The following PARVB variants were observed in gnomAD, a reference collection of about 807,000 sequenced individuals.
PARVB encodes the protein beta-parvin.
A neutral mutation model predicts 47.0 loss-of-function variants in PARVB; 46 were observed. The ratio of observed to expected loss-of-function variants is 0.98; its 90% CI spans 0.77 to 1.25. PARVB has a LOEUF of 1.25. PARVB is among the 50% of genes most tolerant of loss of function. The pLI, the probability that PARVB is intolerant of heterozygous loss-of-function variation, is 0.00. For missense variants in PARVB, 473 were observed against 471.6 expected (o/e 1.00, Z -0.03); for synonymous variants, 196 against 196.3 (o/e 1.00, Z 0.01).
chr22:44,116,628 A>G (rs528303971), intron 3 of PARVB, among the ~76,000 whole-genome samples: 14 of 152,332 alleles, frequency 9.2e-5, no homozygotes, highest in African/African-American at 3.4e-4. Flanking sequence ...CAAGCCGGTC[A>G]TAGCTTCTGG....
chr22:44,151,363 A>G (rs938645228), intron 9 of PARVB, 120 bp from the exon 10 acceptor site: 21 of 733,828 alleles, frequency 2.9e-5, no homozygotes, highest in Non-Finnish European at 3.9e-5. Context: ...TTATTTTAGC[A>G]AACAGGAGAT....
chr22:44,131,393 C>A, intron 4 of PARVB, 94 bp from the exon 5 acceptor site: 1 of 1,350,232 alleles, frequency 7.4e-7, no homozygotes, highest in Non-Finnish European at 1.0e-6. Flanking sequence ...TCACCCACCT[C>A]GGCCTCTCAA....
intron 1 of PARVB, among the ~76,000 whole-genome samples, chr22:44,029,820 G>A (rs1290269633): frequency 6.6e-6 from 1 of 152,022 alleles, no homozygotes; most frequent in African/African-American, 2.4e-5. Flanking sequence ...TGAGGCAGGA[G>A]AATCACTCGA....
chr22:44,047,750 T>A (rs1010217779), intron 1 of PARVB, among the ~76,000 whole-genome samples: 2 of 152,170 alleles, frequency 1.3e-5, no homozygotes. Context: ...TTCCAACATA[T>A]CTTTTTTTGG....
intron 8 of PARVB, chr22:44,146,358 C>T (rs1288712125): frequency 1.4e-5 from 2 of 147,154 alleles, no homozygotes; most frequent in South Asian, 2.2e-4. Context: ...CTCACACACA[C>T]ACATGCACAC....
intron 4 of PARVB, among the ~76,000 whole-genome samples, chr22:44,127,589 CA>C (rs2053215228): frequency 6.6e-6 from 1 of 152,192 alleles, no homozygotes; most frequent in Admixed American, 6.5e-5. Flanking sequence ...TCTGGGCTGT[CA>C]GCCATTAGTG....
intron 6 of PARVB, 21 bp from the exon 7 acceptor site, chr22:44,136,439 T>C (rs766201628): frequency 6.2e-7 from 1 of 1,611,750 alleles, no homozygotes; most frequent in Non-Finnish European, 8.5e-7. Flanking sequence ...TGATTTTGTA[T>C]GTTTATTTTG....
intron 1 of PARVB, among the ~76,000 whole-genome samples, chr22:44,075,064 A>G (rs925477690): frequency 2.6e-5 from 4 of 152,152 alleles, no homozygotes; most frequent in African/African-American, 7.2e-5. Context: ...TGACAACCCA[A>G]AGTGTCTCCA....
At chr22:44,122,554 C>CAG (rs2053085758) in intron 4 of PARVB, among the ~76,000 whole-genome samples, 1 of 54,022 alleles carries the variant, frequency 1.9e-5, no homozygotes, top group Non-Finnish European at 4.1e-5. Flanking sequence ...GAGAGAGAGA[C>CAG]ACAGAGACAG....
chr22:44,151,625 C>T (rs373087622), intron 10 of PARVB, 74 bp downstream of exon 10: 64 of 1,188,440 alleles, frequency 5.4e-5, no homozygotes, highest in East Asian at 4.9e-4. Flanking sequence ...CCAGGTGGGG[C>T]GCGTGAACAA....
chr22:44,082,965 G>A (rs1569099271), intron 1 of PARVB, among the ~76,000 whole-genome samples: 1 of 152,110 alleles, frequency 6.6e-6, no homozygotes, highest in Non-Finnish European at 1.5e-5. Flanking sequence ...TCAGATTCCT[G>A]CAGCAGGTGG....
At chr22:44,041,612 A>C (rs1307784336) in intron 1 of PARVB, among the ~76,000 whole-genome samples, 1 of 152,152 alleles carries the variant, frequency 6.6e-6, no homozygotes, top group South Asian at 2.1e-4. Context: ...GGCCAGGCAC[A>C]GTGGTTCACG....
intron 1 of PARVB, among the ~76,000 whole-genome samples, chr22:44,030,855 C>T (rs919133659): frequency 3.9e-5 from 6 of 152,014 alleles, no homozygotes; most frequent in African/African-American, 9.7e-5. Flanking sequence ...CCTCTGATAG[C>T]GTCAGGGCCC....
In PARVB at chr22:44,151,500, G is replaced by C; in HGVS notation, c.792G>C (p.Val264=). ...SVVKKSLITF[V]NKHLNKLNLE... ...CTTGGCAGTCTCTCATCACTTTTGT[G>C]AACAAGCACCTGAACAAGCTGAATT... is the stretch of plus-strand genomic sequence containing the variant. Residue 264 remains valine (V), a synonymous_variant, in exon 10 of 13, where the codon GTG becomes GTC. Transcript: ENST00000338758. 6.2e-7 allele frequency: 1 copy of C among 1,613,888 alleles called. No homozygotes were observed. Among genetic ancestry groups the C allele is most frequent in the East Asian group, 2.2e-5 (1 of 44,884 alleles).
rs193177793 is a variant in PARVB at position 44,017,886 on chromosome 22, G to T, written c.211+18213G>T. ...TGCCAAGGGCAGTAGGGGTGTCAGGGGGGCCTTCCAAAGCAGGCTATTGTT... is the reference window on the plus strand; with the variant it reads ...TGCCAAGGGCAGTAGGGGTGTCAGGTGGGCCTTCCAAAGCAGGCTATTGTT... On this transcript the variant is annotated intron_variant, in intron 2 of 13. Transcript: ENST00000406477. 2.1e-3 allele frequency among the ~76,000 whole-genome samples: 327 copies of T among 152,208 alleles called. 5 individuals are homozygous for T. Among genetic ancestry groups the T allele is most frequent in the African/African-American group, 7.5e-3 (310 of 41,518 alleles).
At chr22:44,151,752 A>T in intron 10 of PARVB, 1 of 555,312 alleles carries the variant, frequency 1.8e-6, no homozygotes, top group South Asian at 2.0e-5. Flanking sequence ...ACAAAGCACC[A>T]CAAACCTAGT....
chr22:44,034,706 C>CTT lies in PARVB; in HGVS notation c.112+10276_112+10277dup, dbSNP rs34429203. ...CATGCAGTCAGAAATCCACGTGTAA[C>CTT]TTTTTTTTTTTTTTTTTTTTTTGAG... On this transcript the variant is annotated intron_variant, in intron 1 of 12. Transcript: ENST00000338758. Among the ~76,000 whole-genome samples, 300 of 107,552 alleles carry CTT rather than the reference C, an allele frequency of 2.8e-3. 5 individuals are homozygous for CTT. The highest frequency in any genetic ancestry group is 8.3e-3 in the African/African-American group (255 of 30,746). The allele number at this position is 107,552 out of a possible 152,430, so 70.6% of individuals were successfully genotyped here. A position where few individuals can be genotyped will look rare whatever the true frequency, so the allele number is the denominator to read the frequency against.
At chr22:44,017,012 A>C (rs1255988644) in intron 2 of PARVB, among the ~76,000 whole-genome samples, 1 of 152,030 alleles carries the variant, frequency 6.6e-6, no homozygotes, top group South Asian at 2.1e-4. Context: ...AGTAGCTGGG[A>C]TTACAGGTGT....
At chr22:44,030,865 C>T (rs2267593) in intron 1 of PARVB, among the ~76,000 whole-genome samples, 26,302 of 151,844 alleles carry the variant, frequency 0.17, 2,896 homozygotes, top group South Asian at 0.23. Context: ...CGTCAGGGCC[C>T]GTAGAAAAGT....
Sources: gnomAD v4.1 joint callset for allele counts (sites outside exome capture counted in the v4.1 genomes callset) on GRCh38, gnomAD v4.1.1 for gene constraint, MANE v1.5 for transcripts, NCBI Gene and HGNC (gene_info 2026-07-23, HGNC 2026-07-21) for gene names.